HSPA4L: variants seen among roughly 807,000 people sequenced by gnomAD.
HSPA4L encodes heat shock 70 kDa protein 4L.
HSPA4L carries 48 observed loss-of-function variants against 100.3 expected under a neutral mutation model. That is an observed-to-expected ratio of 0.48 (90% CI 0.38 to 0.61). The LOEUF (loss-of-function observed/expected upper bound fraction) is 0.61. Among genes scored for constraint, HSPA4L ranks in the 20% least tolerant of loss-of-function variants. HSPA4L has a pLI of 0.00. For missense variants in HSPA4L, 886 were observed against 988.6 expected (o/e 0.90, Z 1.39); for synonymous variants, 319 against 328.2 (o/e 0.97, Z 0.30).
In HSPA4L at chr4:127,801,893, G is replaced by A. The variant is rs143921953; in HGVS notation, c.638G>A (p.Cys213Tyr). The change falls in exon 6 of 19, where the codon TGT becomes TAT. Residue 213 changes from cysteine (C) to tyrosine (Y), a missense_variant. Transcript: ENST00000296464. ...MGHSAYQVLVCAFNKGKLKVL... is the reference protein window; with the variant it reads ...MGHSAYQVLVYAFNKGKLKVL... ...CATTCTGCCTATCAGGTCTTGGTTT[G>A]TGCTTTTAACAAAGGAAAACTTAAA... The A allele has an allele frequency of 1.8e-5, 29 of 1,603,428 alleles. No individual in the cohort carries two copies. In the East Asian group the frequency reaches 5.4e-4, roughly 30 times the overall value.
At chr4:127,820,011 T>C (rs1201762234) in intron 13 of HSPA4L, among the ~76,000 whole-genome samples, 1 of 152,188 alleles carries the variant, frequency 6.6e-6, no homozygotes, top group East Asian at 1.9e-4. Context: ...CATAATTGTT[T>C]AACATTTTTG....
At position 127,822,826 on chromosome 4, in the gene HSPA4L, G is replaced by A. The variant is rs761633831; in HGVS notation, c.1870G>A (p.Val624Ile). ...EKERNDAKNAVEEYVYDFRDR... is the reference protein window; with the variant it reads ...EKERNDAKNAIEEYVYDFRDR... ...AGAAAGAAATGATGCTAAGAATGCCGTTGAAGAATATGTATATGATTTTAG... is the reference window on the plus strand; with the variant it reads ...AGAAAGAAATGATGCTAAGAATGCCATTGAAGAATATGTATATGATTTTAG... Residue 624 changes from valine to isoleucine, a missense_variant, in exon 15 of 19, where the codon GTT (valine) becomes ATT (isoleucine). Transcript: ENST00000296464. The A allele has an allele frequency of 3.8e-5, 62 of 1,613,288 alleles. No homozygotes were observed. Among genetic ancestry groups the A allele is most frequent in the Admixed American group, 1.8e-4 (11 of 59,994 alleles).
intron 4 of HSPA4L, among the ~76,000 whole-genome samples, chr4:127,800,307 G>T (rs1311003271): frequency 6.6e-6 from 1 of 150,390 alleles, no homozygotes; most frequent in Non-Finnish European, 1.5e-5. Flanking sequence ...GTTTTGTTTT[G>T]TTTTTTTTTA....
chr4:127,813,357 AC>A, intron 12 of HSPA4L: 2 of 584,824 alleles, frequency 3.4e-6, no homozygotes, highest in Non-Finnish European at 3.0e-6. Flanking sequence ...CAACCACTAG[AC>A]TTTAAACTAC....
At chr4:127,830,352 T>A (rs1734048109) in intron 17 of HSPA4L, among the ~76,000 whole-genome samples, 1 of 152,236 alleles carries the variant, frequency 6.6e-6, no homozygotes, top group Non-Finnish European at 1.5e-5. Flanking sequence ...TTCCATTTCC[T>A]TGCAACTTCT....
intron 17 of HSPA4L, among the ~76,000 whole-genome samples, chr4:127,827,734 T>C (rs1375606479): frequency 6.6e-6 from 1 of 152,138 alleles, no homozygotes; most frequent in African/African-American, 2.4e-5. Context: ...TTTCATATAG[T>C]GAAAAAGAGG....
At chr4:127,798,842 T>C (rs1560655206) in intron 4 of HSPA4L, 133 bp downstream of exon 4, 1 of 832,232 alleles carries the variant, frequency 1.2e-6, no homozygotes, top group Non-Finnish European at 1.7e-6. Flanking sequence ...TGACTTTCTT[T>C]TTAAAAAAAC....
intron 17 of HSPA4L, among the ~76,000 whole-genome samples, chr4:127,827,863 C>T (rs1239392660): frequency 6.6e-6 from 1 of 152,006 alleles, no homozygotes; most frequent in African/African-American, 2.4e-5. Context: ...CATTAGTCAT[C>T]CATAATCTCC....
chr4:127,839,164 C>T lies in HSPA4L; in HGVS notation c.*6290C>T, dbSNP rs917293916. 6.6e-6 allele frequency: 1 copy of T among 152,156 alleles called. No homozygotes were observed. Among genetic ancestry groups the T allele is most frequent in the Non-Finnish European group, 1.5e-5 (1 of 68,026 alleles). The allele number at this position is 152,156 out of a possible 1,614,324, so 9.4% of individuals were successfully genotyped here. A position where few individuals can be genotyped will look rare whatever the true frequency, so the allele number is the denominator to read the frequency against. ...GACACCTTTGATTCTTTGCTGCTCT[C>T]TGGTTATGTATGTGTGTTGTGCATC... is the stretch of plus-strand genomic sequence containing the variant. On this transcript the variant is annotated 3_prime_UTR_variant, in exon 19 of 19. Coordinates refer to ENST00000296464, the MANE Select transcript of HSPA4L (RefSeq NM_014278.4).
chr4:127,802,412 T>A (rs1055533201), intron 6 of HSPA4L, among the ~76,000 whole-genome samples: 51 of 152,310 alleles, frequency 3.3e-4, no homozygotes, highest in African/African-American at 1.2e-3. Flanking sequence ...CTCTCTCCAG[T>A]ATGCACAGAG....
chr4:127,805,980 T>G (rs915919607), intron 10 of HSPA4L, among the ~76,000 whole-genome samples, 187 bp downstream of exon 10: 1 of 152,020 alleles, frequency 6.6e-6, no homozygotes, highest in Non-Finnish European at 1.5e-5. Context: ...TAAATTTATG[T>G]TTTTTATAAA....
chr4:127,783,022 T>G (rs1401804924), intron 1 of HSPA4L, among the ~76,000 whole-genome samples: 4 of 152,170 alleles, frequency 2.6e-5, no homozygotes, highest in African/African-American at 9.7e-5. Context: ...GATCTCCGGT[T>G]GCCTCTAACG....
At chr4:127,783,780 A>C in intron 1 of HSPA4L, 4 of 1,040,246 alleles carry the variant, frequency 3.8e-6, no homozygotes, top group Non-Finnish European at 5.6e-6. Context: ...TAAATGCCTC[A>C]TTTACTATTC....
In HSPA4L at chr4:127,832,842, A is replaced by C. The variant is rs995367762; in HGVS notation, c.2488A>C (p.Thr830Pro). 2 of 1,610,874 alleles carry C rather than the reference A, an allele frequency of 1.2e-6. No individual in the cohort carries two copies. Among genetic ancestry groups the C allele is most frequent in the African/African-American group, 1.3e-5 (1 of 74,848 alleles). Reference sequence around the variant, plus strand: ...TTCAACAAAAGACAGCTCACAGCATACTAAATCCTCTGGAGAGATGGAAGT... The same window carrying C: ...TTCAACAAAAGACAGCTCACAGCATCCTAAATCCTCTGGAGAGATGGAAGT... ...SDSTKDSSQH[T>P]KSSGEMEVD Residue 830 changes from threonine (T) to proline (P), a missense_variant, in exon 19 of 19, where the codon ACT becomes CCT. Transcript: ENST00000296464.
intron 9 of HSPA4L, 103 bp from the exon 10 acceptor site, chr4:127,805,584 G>A (rs1733330633): frequency 1.3e-6 from 1 of 776,366 alleles, no homozygotes; most frequent in Non-Finnish European, 2.0e-6. Flanking sequence ...CTTTTAAAAT[G>A]TAACAGTTGT....
intron 17 of HSPA4L, among the ~76,000 whole-genome samples, chr4:127,828,989 TTAATATGCTTCAATAGTGAAAGGTGGAC>T (rs1458990585): frequency 6.6e-6 from 1 of 152,160 alleles, no homozygotes; most frequent in East Asian, 1.9e-4. Context: ...GAACTTGTTT[TTAATATGCTTCAATAGTGAAAGGTGGAC>T]AATAAATTAC....
At position 127,803,870 on chromosome 4, in the gene HSPA4L, A is replaced by G. The variant is rs1348155983; in HGVS notation, c.905A>G (p.Asn302Ser). The change falls in exon 7 of 19, where the codon AAC becomes AGC. Residue 302 changes from asparagine (N) to serine (S), a missense_variant. By Grantham distance (46) the Asn-to-Ser change is conservative. Coordinates refer to ENST00000296464, the MANE Select transcript of HSPA4L (RefSeq NM_014278.4). ...MNDLDVSSKMNRAQFEQLCAS... is the reference protein window; with the variant it reads ...MNDLDVSSKMSRAQFEQLCAS... Reference sequence around the variant, plus strand: ...GACCTTGATGTTTCTAGTAAAATGAACAGGTACCACGTATGTTTTTAGTTT... The same window carrying G: ...GACCTTGATGTTTCTAGTAAAATGAGCAGGTACCACGTATGTTTTTAGTTT... 2 of 1,613,180 alleles carry G rather than the reference A, an allele frequency of 1.2e-6. No homozygotes were observed. The highest frequency in any genetic ancestry group is 2.2e-5 in the South Asian group (2 of 91,014).
intron 10 of HSPA4L, among the ~76,000 whole-genome samples, chr4:127,807,583 C>T (rs1464557234): frequency 6.6e-6 from 1 of 151,976 alleles, no homozygotes; most frequent in African/African-American, 2.4e-5. Flanking sequence ...TTTAATTTTG[C>T]ACCTTTTCAT....
chr4:127,804,990 C>A, intron 8 of HSPA4L, 83 bp from the exon 9 acceptor site: 1 of 778,638 alleles, frequency 1.3e-6, no homozygotes, highest in South Asian at 2.6e-5. Context: ...AAAGTCAATC[C>A]ACTTTTTAAA....
Sources: gnomAD v4.1 joint callset for allele counts (sites outside exome capture counted in the v4.1 genomes callset) on GRCh38, gnomAD v4.1.1 for gene constraint, MANE v1.5 for transcripts, NCBI Gene and HGNC (gene_info 2026-07-23, HGNC 2026-07-21) for gene names.